Variants in PLXND1 observed in about 807,000 individuals in gnomAD.
PLXND1 encodes the protein plexin-D1.
In PLXND1, 54 loss-of-function variants were observed where a neutral mutation model predicts 197.7. The observed-to-expected ratio is 0.27, with a 90% CI of 0.22 to 0.34. PLXND1 has a LOEUF of 0.34. PLXND1 is among the 10% of genes least tolerant of loss of function. The pLI is 1.00. For missense variants in PLXND1, 2,127 were observed against 2,699.2 expected (o/e 0.79, Z 4.70); for synonymous variants, 1,180 against 1,161.2 (o/e 1.02, Z -0.33).
chr3:129,569,783 G>A, intron 20 of PLXND1, 60 bp downstream of exon 20: 5 of 918,240 alleles, frequency 5.4e-6, no homozygotes, highest in Non-Finnish European at 9.0e-6. Flanking sequence ...AATCTTCAGA[G>A]GGGCTGGGGC....
chr3:129,560,785 G>C (rs2085046674), intron 29 of PLXND1, 62 bp from the exon 30 acceptor site: 2 of 988,672 alleles, frequency 2.0e-6, no homozygotes, highest in Non-Finnish European at 3.3e-6. Flanking sequence ...CAGAAATGAA[G>C]ACAGAAAGAT....
At chr3:129,559,264 G>C (rs901076565) in intron 32 of PLXND1, 5 of 205,860 alleles carry the variant, frequency 2.4e-5, no homozygotes, top group Non-Finnish European at 1.9e-5. Context: ...ACTGTCCCAG[G>C]CTGTGTGGTC....
intron 10 of PLXND1, 71 bp downstream of exon 10, chr3:129,575,695 G>T (rs188886584): frequency 3.2e-6 from 4 of 1,247,808 alleles, no homozygotes; most frequent in African/African-American, 3.0e-5. Context: ...GAGGCAGGGT[G>T]GGGTGAGGGG....
At chr3:129,575,661 G>T in intron 10 of PLXND1, 99 bp from the exon 11 acceptor site, 1 of 1,234,236 alleles carries the variant, frequency 8.1e-7, no homozygotes, top group Non-Finnish European at 1.2e-6. Flanking sequence ...GGCTGCTGGG[G>T]ATGGGGGAAC....
In PLXND1 at chr3:129,578,554, T is replaced by C. The variant is rs182868666; in HGVS notation, c.2242-121A>G. The C allele has an allele frequency of 1.4e-3, 887 of 642,932 alleles. 7 individuals carry two copies. The African/African-American group carries it at 0.014, about 10-fold the overall frequency. The allele number at this position is 642,932 out of a possible 1,614,324, so 39.8% of individuals were successfully genotyped here. A position where few individuals can be genotyped will look rare whatever the true frequency, so the allele number is the denominator to read the frequency against. ...CTTCCTGAGGAGAAAACACTAGTCATTCAGTCCTAACGGCCACCAGCCCCA... is the reference window on the plus strand; with the variant it reads ...CTTCCTGAGGAGAAAACACTAGTCACTCAGTCCTAACGGCCACCAGCCCCA... On this transcript the variant is annotated intron_variant, in intron 8 of 35. Transcript: ENST00000324093.
At chr3:129,581,851 T>G (rs1162035130) in intron 8 of PLXND1, among the ~76,000 whole-genome samples, 1 of 152,212 alleles carries the variant, frequency 6.6e-6, no homozygotes, top group East Asian at 1.9e-4. Flanking sequence ...CCTCCTCGCA[T>G]CCCCTAGGTT....
Position 129,584,244 on chromosome 3 carries a change from T to C in PLXND1, c.2030-11A>G. ...CAACAGTCACGTGGTCTGGAATGGA[T>C]GGGGGAGCCAGGGGAGGACATGGGG... On this transcript the variant is annotated splice_polypyrimidine_tract_variant and intron_variant, in intron 6 of 35. Transcript: ENST00000324093. 1 of 1,598,460 alleles carries C rather than the reference T, an allele frequency of 6.3e-7. No homozygotes were observed. The highest frequency in any genetic ancestry group is 8.5e-7 in the Non-Finnish European group (1 of 1,170,160).
Position 129,571,052 on chromosome 3 carries a change from G to A in PLXND1, c.3588C>T (p.Thr1196=), listed in dbSNP as rs1174765435. 3 of 1,614,000 alleles carry A rather than the reference G, an allele frequency of 1.9e-6. No homozygotes were observed. In the Admixed American group the frequency reaches 5.0e-5, roughly 27 times the overall value. Residue 1196 remains threonine, a synonymous_variant, in exon 18 of 36, where the codon ACC becomes ACT. Coordinates refer to ENST00000324093, the MANE Select transcript of PLXND1 (RefSeq NM_015103.3). ...WIKHHPGEPL[T]LVIHKEQDSL... ...CTTTGGTGCTCACGTGGATAACGAG[G>A]GTGAGAGGCTCCCCGGGGTGGTGCT...
At chr3:129,572,809 CG>C in intron 14 of PLXND1, 32 bp downstream of exon 14, 1 of 1,612,268 alleles carries the variant, frequency 6.2e-7, no homozygotes, top group Non-Finnish European at 8.5e-7. Context: ...GCGTGCTGGG[CG>C]GGCCGGACAG....
At chr3:129,565,727 C>T (rs1466941266) in intron 24 of PLXND1, among the ~76,000 whole-genome samples, 160 bp downstream of exon 24, 1 of 152,136 alleles carries the variant, frequency 6.6e-6, no homozygotes, top group Admixed American at 6.5e-5. Flanking sequence ...CCACAGCAAC[C>T]ATCGTGCCCC....
At chr3:129,569,371 A>C (rs541546080) in intron 20 of PLXND1, 74 of 157,822 alleles carry the variant, frequency 4.7e-4, no homozygotes, top group Non-Finnish European at 8.9e-4. Context: ...ATCCTAAGAA[A>C]CTTCCAAAAT....
chr3:129,558,538 G>A lies in PLXND1; in HGVS notation c.5335C>T (p.Pro1779Ser). ...TTGTCGATGTCAAAGACAAACTGGG[G>A]GTTCTTCAGGATGTTCACCCAGAAC... is the stretch of plus-strand genomic sequence containing the variant. ...LRFWVNILKN[P>S]QFVFDIDKTD... Residue 1779 changes from proline to serine, a missense_variant, in exon 33 of 36, where the codon CCC becomes TCC. By Grantham distance (74) the Pro-to-Ser change is moderately conservative. Around this residue, in one of 6 missense-constraint regions of PLXND1, gnomAD observed 200 missense variants for 303.3 expected, o/e 0.66. Transcript: ENST00000324093. This position sits in a 1 kb window ranked among gnomAD's most constrained non-coding sequence, Gnocchi z 4.1. 1 of 1,614,028 alleles carries A rather than the reference G, an allele frequency of 6.2e-7. No individual in the cohort carries two copies. Among genetic ancestry groups the A allele is most frequent in the Non-Finnish European group, 8.5e-7 (1 of 1,179,980 alleles).
In PLXND1 at chr3:129,570,826, T is replaced by C. The variant is rs368046868; in HGVS notation, c.3710A>G (p.Asn1237Ser). The C allele has an allele frequency of 3.7e-6, 6 of 1,614,082 alleles. No individual in the cohort carries two copies. In the African/African-American group the frequency reaches 4.0e-5, roughly 11 times the overall value. ...VSDRIIHCSVNESLGAAVGQL... is the reference protein window; with the variant it reads ...VSDRIIHCSVSESLGAAVGQL... Reference sequence around the variant, plus strand: ...CCCCACGGCCGCGCCCAGGGACTCGTTGACCGAGCAGTGGATGATTCTGTC... The same window carrying C: ...CCCCACGGCCGCGCCCAGGGACTCGCTGACCGAGCAGTGGATGATTCTGTC... The change falls in exon 19 of 36, where the codon AAC (asparagine) becomes AGC (serine). Residue 1237 changes from asparagine (N) to serine (S), a missense_variant. This residue lies in a region of PLXND1 where 532 missense variants were observed against 811.0 expected (regional missense o/e 0.66). Transcript: ENST00000324093.
rs779756669 is a variant in PLXND1, at chr3:129,584,402, G to T, written c.2012C>A (p.Pro671His). 7.4e-6 allele frequency: 12 copies of T among 1,612,942 alleles called. No homozygotes were observed. The South Asian group carries it at 1.2e-4, about 16-fold the overall frequency. The change falls in exon 6 of 36, where the codon CCC (proline) becomes CAC (histidine). Residue 671 changes from proline (P) to histidine (H), a missense_variant. Pro to His is a moderately conservative substitution (Grantham distance 77). Transcript: ENST00000324093. ...CNLLPRDQFP[P>H]FPPNQDHVTV... ...GTGCTTACCCTGGTTGGGGGGGAAG[G>T]GCGGAAACTGGTCCCTCGGCAGGAG... is the stretch of plus-strand genomic sequence containing the variant.
Position 129,576,564 on chromosome 3 carries a change from C to T in PLXND1, c.2347-709G>A, listed in dbSNP as rs531862485. Among the ~76,000 whole-genome samples, 17 of 152,300 alleles carry T rather than the reference C, an allele frequency of 1.1e-4. 1 individual carries two copies. The highest frequency in any genetic ancestry group is 2.9e-4 in the African/African-American group (12 of 41,566). ...GCTGCTTACCTGTCCCCTCGCCAAC[C>T]GGGGACGGTCAGGGCTCGGCCGCTC... On this transcript the variant is annotated intron_variant, in intron 9 of 35. Transcript: ENST00000324093.
chr3:129,595,977 G>A (rs1429205660), intron 1 of PLXND1, among the ~76,000 whole-genome samples: 2 of 149,100 alleles, frequency 1.3e-5, no homozygotes, highest in Non-Finnish European at 3.0e-5. Flanking sequence ...TTACAGATGA[G>A]AAAGCTGAGG....
At chr3:129,583,204 T>A (rs1268227470) in intron 8 of PLXND1, among the ~76,000 whole-genome samples, 2 of 152,152 alleles carry the variant, frequency 1.3e-5, no homozygotes, top group African/African-American at 4.8e-5. Context: ...GTTGAAATGG[T>A]CTTCCTACTG....
chr3:129,580,947 C>T (rs369684125), intron 8 of PLXND1, among the ~76,000 whole-genome samples: 26 of 152,196 alleles, frequency 1.7e-4, no homozygotes, highest in African/African-American at 6.0e-4. Context: ...GGGAAGCTAC[C>T]TCATCCCTCA....
At chr3:129,605,225 C>T (rs924458871) in intron 1 of PLXND1, 104 bp downstream of exon 1, 11 of 514,550 alleles carry the variant, frequency 2.1e-5, no homozygotes, top group Non-Finnish European at 2.9e-5. Context: ...CTGCGCGCTC[C>T]CACCTGTGAC....
Sources: gnomAD v4.1 joint callset for allele counts (sites outside exome capture counted in the v4.1 genomes callset) on GRCh38, gnomAD v4.1.1 for gene constraint, gnomAD v4.1.1 regional missense constraint, Gnocchi (gnomAD v3.1) non-coding constraint, MANE v1.5 for transcripts, NCBI Gene and HGNC (gene_info 2026-07-23, HGNC 2026-07-21) for gene names.